The following PDGFRL variants were observed in gnomAD, a reference collection of about 807,000 sequenced individuals.
The protein encoded by PDGFRL is platelet derived growth factor receptor like, also known as platelet-derived growth factor receptor-like protein.
A neutral mutation model predicts 37.2 loss-of-function variants in PDGFRL; 46 were observed. That is an observed-to-expected ratio of 1.24 (90% CI 0.98 to 1.58). The LOEUF is 1.58. Ranked by LOEUF, PDGFRL falls within the 40% of genes most tolerant of loss-of-function variation. PDGFRL has a pLI of 0.00. For missense variants in PDGFRL, 692 were observed against 467.6 expected (o/e 1.48, Z -4.43); for synonymous variants, 251 against 184.3 (o/e 1.36, Z -2.93).
At chr8:17,607,061 A>C (rs1219131822) in intron 2 of PDGFRL, among the ~76,000 whole-genome samples, 1 of 151,844 alleles carries the variant, frequency 6.6e-6, no homozygotes, top group Non-Finnish European at 1.5e-5. Flanking sequence ...ATGCCCTGCT[A>C]ATTTTTGTAT....
At chr8:17,638,852 T>C (rs1805035192) in intron 5 of PDGFRL, among the ~76,000 whole-genome samples, 1 of 148,936 alleles carries the variant, frequency 6.7e-6, no homozygotes, top group South Asian at 2.2e-4. Context: ...TTCTCTTTTT[T>C]AACTGCTGTT....
intron 4 of PDGFRL, 133 bp downstream of exon 4, chr8:17,628,913 GTTT>G (rs570204623): frequency 4.8e-5 from 30 of 625,272 alleles, no homozygotes; most frequent in African/African-American, 1.9e-4. Context: ...GGTTGTTGTT[GTTT>G]TTTTTTCTCT....
intron 3 of PDGFRL, among the ~76,000 whole-genome samples, chr8:17,623,808 T>C (rs569765165): frequency 2.0e-3 from 269 of 134,112 alleles, no homozygotes; most frequent in Non-Finnish European, 3.1e-3. Context: ...TCGGAGTTGG[T>C]GGTTGCAGTG....
At chr8:17,626,147 T>C (rs1804729465) in intron 3 of PDGFRL, among the ~76,000 whole-genome samples, 1 of 152,226 alleles carries the variant, frequency 6.6e-6, no homozygotes. Context: ...TCCTAAAGTG[T>C]TGTTGCTAAG....
At chr8:17,578,028 C>T (rs1321483030) in intron 1 of PDGFRL, among the ~76,000 whole-genome samples, 1 of 151,680 alleles carries the variant, frequency 6.6e-6, no homozygotes, top group Non-Finnish European at 1.5e-5. Context: ...CACCCGTGAC[C>T]ACAGGGTCTG....
intron 2 of PDGFRL, among the ~76,000 whole-genome samples, chr8:17,592,123 C>A (rs2150814736): frequency 6.6e-6 from 1 of 152,304 alleles, no homozygotes; most frequent in East Asian, 1.9e-4. Flanking sequence ...CCATCGGTCA[C>A]CAAGTTAAGC....
chr8:17,634,016 G>A, intron 4 of PDGFRL, 58 bp from the exon 5 acceptor site: 4 of 1,552,626 alleles, frequency 2.6e-6, no homozygotes, highest in Non-Finnish European at 2.7e-6. Flanking sequence ...GCATCTGTAG[G>A]TTTGTTTTCA....
chr8:17,582,678 A>C (rs1312817912), intron 1 of PDGFRL, among the ~76,000 whole-genome samples: 1 of 152,204 alleles, frequency 6.6e-6, no homozygotes, highest in African/African-American at 2.4e-5. Context: ...AGCAGAGAGT[A>C]AAAGTTTGGA....
chr8:17,577,615 C>G (rs571552975), intron 1 of PDGFRL, among the ~76,000 whole-genome samples: 2 of 151,918 alleles, frequency 1.3e-5, no homozygotes, highest in African/African-American at 4.8e-5. Flanking sequence ...TGGTCCAGCC[C>G]CCAGTGTCAA....
intron 2 of PDGFRL, among the ~76,000 whole-genome samples, chr8:17,590,236 C>CAAAGAAAAAAAAAAAAAAAAAAAAA (rs1803906818): frequency 2.8e-5 from 1 of 35,606 alleles, no homozygotes; most frequent in Non-Finnish European, 6.3e-5. Flanking sequence ...GACTCCATCT[C>CAAAGAAAAAAAAAAAAAAAAAAAAA]AAAAAAAAAA....
At position 17,604,150 on chromosome 8, in the gene PDGFRL, G is replaced by A. The variant is rs575402663; in HGVS notation, c.353+14385G>A. On this transcript the variant is annotated intron_variant, in intron 2 of 5. Coordinates refer to ENST00000251630, the MANE Select transcript of PDGFRL (RefSeq NM_001372073.1). ...ACACTGTTGGTGGGACTGTAAACTA[G>A]TTCAACCATTGTGGAAGTCAGTGTG... 1.7e-4 allele frequency among the ~76,000 whole-genome samples: 26 copies of A among 152,316 alleles called. No homozygotes were observed. In the South Asian group the frequency reaches 2.7e-3, roughly 16 times the overall value.
intron 2 of PDGFRL, among the ~76,000 whole-genome samples, chr8:17,604,474 CTG>C: frequency 6.6e-6 from 1 of 152,154 alleles, no homozygotes; most frequent in South Asian, 2.1e-4. Context: ...TCTCAGCAAA[CTG>C]TCGTAAGGAC....
chr8:17,601,587 G>C (rs1046539683), intron 2 of PDGFRL, among the ~76,000 whole-genome samples: 1 of 152,038 alleles, frequency 6.6e-6, no homozygotes. Flanking sequence ...CTTAGTACCC[G>C]ATAGGTAGTT....
intron 2 of PDGFRL, among the ~76,000 whole-genome samples, chr8:17,606,980 C>T (rs1204633756): frequency 1.3e-5 from 2 of 149,468 alleles, no homozygotes; most frequent in African/African-American, 5.0e-5. Context: ...ACTGCAACCT[C>T]CACCTCCCAG....
chr8:17,599,734 C>A (rs982149652), intron 2 of PDGFRL, among the ~76,000 whole-genome samples: 10 of 152,178 alleles, frequency 6.6e-5, no homozygotes, highest in African/African-American at 2.4e-4. Flanking sequence ...CTCTGACTTT[C>A]AGCTAATGAA....
In PDGFRL at chr8:17,607,326, C is replaced by T. The variant is rs149011949; in HGVS notation, c.354-13725C>T. On this transcript the variant is annotated intron_variant, in intron 2 of 5. Coordinates refer to ENST00000251630, the MANE Select transcript of PDGFRL (RefSeq NM_001372073.1). ...AGAGTAGGGGAAATTGGTTGAAGCACGTTCTATAGTTTTGGGGAAAACGTC... is the reference window on the plus strand; with the variant it reads ...AGAGTAGGGGAAATTGGTTGAAGCATGTTCTATAGTTTTGGGGAAAACGTC... 4.3e-3 allele frequency among the ~76,000 whole-genome samples: 652 copies of T among 152,092 alleles called. 2 individuals are homozygous for T. The highest frequency in any genetic ancestry group is 0.014 in the African/African-American group (601 of 41,488).
intron 2 of PDGFRL, among the ~76,000 whole-genome samples, chr8:17,591,591 T>C (rs1249149439): frequency 1.3e-5 from 2 of 152,200 alleles, no homozygotes; most frequent in African/African-American, 4.8e-5. Context: ...ATACCAGATG[T>C]TGTCTGAGAT....
intron 1 of PDGFRL, among the ~76,000 whole-genome samples, chr8:17,583,629 AC>A (rs1465724818): frequency 2.0e-5 from 3 of 152,104 alleles, no homozygotes; most frequent in Non-Finnish European, 1.5e-5. Flanking sequence ...AAATTTGATC[AC>A]CAGTGTTGGT....
chr8:17,628,024 G>C lies in PDGFRL; in HGVS notation c.506-463G>C, dbSNP rs1345157268. 7.9e-5 allele frequency among the ~76,000 whole-genome samples: 9 copies of C among 113,978 alleles called. No individual in the cohort carries two copies. The South Asian group carries it at 8.6e-4, about 11-fold the overall frequency. 74.8% of individuals were successfully genotyped at this position (113,978 alleles called of 152,430 possible). A position where few individuals can be genotyped will look rare whatever the true frequency, so the allele number is the denominator to read the frequency against. On this transcript the variant is annotated intron_variant, in intron 3 of 5. Coordinates refer to ENST00000251630, the MANE Select transcript of PDGFRL (RefSeq NM_001372073.1). ...TTTTTTTTTTTTTGAGACGGAGTCT[G>C]GCTCTGTCGCCCAGGCTGGAGTGCA...
Sources: gnomAD v4.1 joint callset for allele counts (sites outside exome capture counted in the v4.1 genomes callset) on GRCh38, gnomAD v4.1.1 for gene constraint, MANE v1.5 for transcripts, NCBI Gene and HGNC (gene_info 2026-07-23, HGNC 2026-07-21) for gene names.